The following CKAP2 variants were observed in gnomAD, a reference collection of about 807,000 sequenced individuals.
The protein encoded by CKAP2 is cytoskeleton associated protein 2.
In CKAP2, 46 loss-of-function variants were observed where a neutral mutation model predicts 58.4. The observed-to-expected ratio is 0.79, with a 90% CI of 0.62 to 1.01. The LOEUF (loss-of-function observed/expected upper bound fraction) is 1.01. CKAP2 is among the 50% of genes least tolerant of loss of function. The pLI, the probability that CKAP2 is intolerant of heterozygous loss-of-function variation, is 0.00. For synonymous variants in CKAP2, 293 were observed against 280.9 expected (o/e 1.04, Z -0.43); for missense variants, 809 against 796.4 (o/e 1.02, Z -0.19).
chr13:52,469,885 C>T (rs1594142688), intron 7 of CKAP2, among the ~76,000 whole-genome samples: 2 of 149,448 alleles, frequency 1.3e-5, no homozygotes, highest in East Asian at 1.9e-4. Flanking sequence ...CGTGAGCCAC[C>T]GTGAAATAAT....
intron 7 of CKAP2, among the ~76,000 whole-genome samples, chr13:52,471,688 G>T (rs1038385106): frequency 1.3e-5 from 2 of 152,094 alleles, no homozygotes; most frequent in African/African-American, 4.8e-5. Flanking sequence ...TGGTGTGATT[G>T]TTTACTCCTT....
At chr13:52,467,849 G>A (rs1958703619) in intron 6 of CKAP2, among the ~76,000 whole-genome samples, 3 of 147,020 alleles carry the variant, frequency 2.0e-5, no homozygotes, top group South Asian at 4.2e-4. Flanking sequence ...TCACTCTCTC[G>A]CCCAGGCTAG....
In CKAP2 at chr13:52,461,114, G is replaced by A; in HGVS notation, c.288G>A (p.Gly96=). The change falls in exon 4 of 9, where the codon GGG becomes GGA. Residue 96 remains glycine, a synonymous_variant. Coordinates refer to ENST00000258607, the MANE Select transcript of CKAP2 (RefSeq NM_018204.5). ...PAESKNNTVV[G]KHCIPLKPSN... Reference sequence around the variant, plus strand: ...AGAGCAAAAATAATACAGTGGTGGGGAAACATTGTATTCCTTTAAAACCTT... The same window carrying A: ...AGAGCAAAAATAATACAGTGGTGGGAAAACATTGTATTCCTTTAAAACCTT... 2 of 1,610,194 alleles carry A rather than the reference G, an allele frequency of 1.2e-6. No individual in the cohort carries two copies. The highest frequency in any genetic ancestry group is 1.7e-6 in the Non-Finnish European group (2 of 1,178,754).
In CKAP2 at chr13:52,461,380, C is replaced by CT. The variant is rs1958575192; in HGVS notation, c.555dup (p.Lys186Ter). ...TCTTATCGTGGCCAGATTGTTCAGT[C>CT]TAAGATTAATTCATTTAGAAAACCT... On this transcript the variant is annotated frameshift_variant, in exon 4 of 9. Coordinates refer to ENST00000258607, the MANE Select transcript of CKAP2 (RefSeq NM_018204.5). LOFTEE classifies it high-confidence loss of function. The CT allele has an allele frequency of 6.2e-7, 1 of 1,614,172 alleles. No homozygotes were observed. Among genetic ancestry groups the CT allele is most frequent in the Admixed American group, 1.7e-5 (1 of 60,018 alleles).
intron 2 of CKAP2, among the ~76,000 whole-genome samples, chr13:52,459,038 A>G (rs1327493722): frequency 6.6e-6 from 1 of 152,094 alleles, no homozygotes; most frequent in Non-Finnish European, 1.5e-5. Flanking sequence ...GCAGTTTTAT[A>G]ATAAGACAGA....
intron 3 of CKAP2, 23 bp from the exon 4 acceptor site, chr13:52,461,035 C>G: frequency 6.2e-7 from 1 of 1,601,976 alleles, no homozygotes; most frequent in Non-Finnish European, 8.5e-7. Context: ...TTCCTAAACA[C>G]TTTTCTTAAA....
chr13:52,466,048 CACAT>C (rs1407091457), intron 6 of CKAP2, among the ~76,000 whole-genome samples: 1 of 151,736 alleles, frequency 6.6e-6, no homozygotes, highest in Non-Finnish European at 1.5e-5. Flanking sequence ...TATACACACA[CACAT>C]ATATATATAA....
chr13:52,470,296 G>GGTTTT (rs762791547), intron 7 of CKAP2, among the ~76,000 whole-genome samples: 6 of 151,872 alleles, frequency 4.0e-5, no homozygotes, highest in Non-Finnish European at 7.4e-5. Flanking sequence ...GTAGAGATGG[G>GGTTTT]GTTTTGCCAT....
At position 52,468,347 on chromosome 13, in the gene CKAP2, G is replaced by T; in HGVS notation, c.1546G>T (p.Gly516Ter). The T allele has an allele frequency of 6.4e-7, 1 of 1,572,678 alleles. No homozygotes were observed. Among genetic ancestry groups the T allele is most frequent in the Non-Finnish European group, 8.7e-7 (1 of 1,151,700 alleles). The change falls in exon 7 of 9, where the codon GGA becomes TGA. Residue 516 changes from glycine to a stop codon, truncating the protein, a stop_gained and splice_region_variant. Transcript: ENST00000258607. LOFTEE classifies it high-confidence loss of function. Reference sequence around the variant, plus strand: ...GAAGAGTCAAGAAAAAGCTAATTTAGGTAAGTTTTAGTTATTTTATTTCCT... The same window carrying T: ...GAAGAGTCAAGAAAAAGCTAATTTATGTAAGTTTTAGTTATTTTATTTCCT... Reference protein sequence around the residue: ...TMKSQEKANLGENMEKSCASK... With the variant: ...TMKSQEKANL
intron 2 of CKAP2, among the ~76,000 whole-genome samples, chr13:52,459,417 G>A (rs1056812119): frequency 2.7e-4 from 41 of 152,042 alleles, no homozygotes; most frequent in African/African-American, 1.7e-4. Flanking sequence ...CTGCCTCGTG[G>A]GTTCAAGCGA....
Position 52,475,297 on chromosome 13 carries a change from G to A in CKAP2, c.*156G>A. On this transcript the variant is annotated 3_prime_UTR_variant, in exon 9 of 9. Coordinates refer to ENST00000258607, the MANE Select transcript of CKAP2 (RefSeq NM_018204.5). ...GCTCCTTTACTAACATTCATGTTAT[G>A]GCAAGAGTTGTCCTCTACATTGGAA... 1 of 888,984 alleles carries A rather than the reference G, an allele frequency of 1.1e-6. No individual in the cohort carries two copies. The highest frequency in any genetic ancestry group is 1.7e-6 in the Non-Finnish European group (1 of 598,212). The allele number at this position is 888,984 out of a possible 1,614,324, so 55.1% of individuals were successfully genotyped here. A position where few individuals can be genotyped will look rare whatever the true frequency, so the allele number is the denominator to read the frequency against.
intron 7 of CKAP2, among the ~76,000 whole-genome samples, chr13:52,472,084 T>C (rs1038790072): frequency 6.6e-6 from 1 of 152,220 alleles, no homozygotes; most frequent in Non-Finnish European, 1.5e-5. Flanking sequence ...TAATTTCTGC[T>C]TATCCTTTAG....
chr13:52,456,607 G>A lies in CKAP2; in HGVS notation c.155G>A (p.Ser52Asn), dbSNP rs775129235. 2.4e-5 allele frequency: 39 copies of A among 1,608,124 alleles called. No homozygotes were observed. The South Asian group carries it at 4.1e-4, about 17-fold the overall frequency. Residue 52 changes from serine to asparagine, a missense_variant and splice_region_variant, in exon 2 of 9, where the codon AGT (serine) becomes AAT (asparagine). By Grantham distance (46) the Ser-to-Asn change is conservative (BLOSUM62 1). Around this residue, in one of 3 missense-constraint regions of CKAP2, gnomAD observed 523 missense variants for 492.4 expected, o/e 1.06. Coordinates refer to ENST00000258607, the MANE Select transcript of CKAP2 (RefSeq NM_018204.5). The part of the protein sequence containing the change: ...AYKQENEMLS[S>N]RDQRVVTSED... ...AAGCAGGAAAATGAGATGTTATCCA[G>A]GTAAGGTCAAGTTTATTTCTTTTCA...
chr13:52,461,807 A>T lies in CKAP2; in HGVS notation c.981A>T (p.Ser327=), dbSNP rs369584518. The T allele has an allele frequency of 6.2e-7, 1 of 1,614,124 alleles. No homozygotes were observed. Among genetic ancestry groups the T allele is most frequent in the South Asian group, 1.1e-5 (1 of 91,076 alleles). Residue 327 remains serine, a synonymous_variant, in exon 4 of 9, where the codon TCA becomes TCT. Transcript: ENST00000258607. The part of the protein sequence containing the change: ...IASEVIARPA[S]LSNDKLMEKS... ...CTGAAGTTATAGCCAGGCCTGCTTC[A>T]TTGTCTAATGATAAACTGATGGAAA... is the stretch of plus-strand genomic sequence containing the variant.
rs1349384900 is a variant in CKAP2 at position 52,455,593 on chromosome 13, C to T, written c.37C>T (p.Pro13Ser). 2.0e-5 allele frequency: 32 copies of T among 1,611,828 alleles called. No homozygotes were observed. The highest frequency in any genetic ancestry group is 2.6e-5 in the Non-Finnish European group (31 of 1,179,432). The stretch of plus-strand genomic sequence containing the variant: ...GGCCGTGCCCCAGGACCTGCAGCTG[C>T]CCCCGAGTCAGAGGGCGCAGTCCGC... ...TPAVPQDLQL[P>S]PSQRAQSAFK... Residue 13 changes from proline to serine, a missense_variant, in exon 1 of 9, where the codon CCC becomes TCC. By Grantham distance (74) the Pro-to-Ser change is moderately conservative. Coordinates refer to ENST00000258607, the MANE Select transcript of CKAP2 (RefSeq NM_018204.5).
intron 6 of CKAP2, among the ~76,000 whole-genome samples, chr13:52,466,167 A>ATCTCTTCTAGCGTATTGAT (rs1429911972): frequency 5.3e-4 from 80 of 152,046 alleles, no homozygotes; most frequent in Admixed American, 7.9e-4. Flanking sequence ...CATACTCCTT[A>ATCTCTTCTAGCGTATTGAT]TCTCTTCTAG....
Position 52,463,900 on chromosome 13 carries a change from G to C in CKAP2, c.1305+1333G>C, listed in dbSNP as rs74087304. On this transcript the variant is annotated intron_variant, in intron 5 of 8. Coordinates refer to ENST00000258607, the MANE Select transcript of CKAP2 (RefSeq NM_018204.5). ...GCCTGTTGCATACTTTCACCTTGTC[G>C]CCTGTAGGTACATTTTCTGCAGTGT... is the stretch of plus-strand genomic sequence containing the variant. Among the ~76,000 whole-genome samples the C allele has an allele frequency of 8.9e-3, 1,348 of 152,172 alleles. 21 individuals carry two copies. The highest frequency in any genetic ancestry group is 0.031 in the African/African-American group (1,288 of 41,508).
intron 7 of CKAP2, among the ~76,000 whole-genome samples, chr13:52,470,855 A>C (rs1328435706): frequency 6.6e-6 from 1 of 152,178 alleles, no homozygotes; most frequent in African/African-American, 2.4e-5. Flanking sequence ...AGGAGGAGAA[A>C]AGTTTAAGAA....
chr13:52,473,746 C>T (rs1190811937), intron 7 of CKAP2, 83 bp from the exon 8 acceptor site: 1 of 1,297,766 alleles, frequency 7.7e-7, no homozygotes, highest in Non-Finnish European at 1.1e-6. Flanking sequence ...GAAAATGTGG[C>T]CAACTAGGAA....
Sources: allele counts gnomAD v4.1 joint callset (sites outside exome capture counted in the v4.1 genomes callset), GRCh38; gene constraint gnomAD v4.1.1; regional missense constraint gnomAD v4.1.1; transcripts MANE v1.5; gene names NCBI Gene and HGNC (gene_info 2026-07-23, HGNC 2026-07-21).